Variants in SPPL3 observed in about 807,000 individuals in gnomAD.
SPPL3 encodes signal peptide peptidase like 3.
SPPL3 carries 5 observed loss-of-function variants against 42.4 expected under a neutral mutation model. The observed-to-expected ratio is 0.12, with a 90% confidence interval of 0.06 to 0.25. SPPL3 has a LOEUF of 0.25. SPPL3 is among the 10% of genes least tolerant of loss of function. The pLI, the probability that SPPL3 is intolerant of heterozygous loss-of-function variation, is 1.00. For missense variants in SPPL3, 235 were observed against 489.0 expected (o/e 0.48, Z 4.90); for synonymous variants, 195 against 181.8 (o/e 1.07, Z -0.58).
At chr12:120,896,377 A>T (rs1445665367) in intron 1 of SPPL3, among the ~76,000 whole-genome samples, 1 of 152,180 alleles carries the variant, frequency 6.6e-6, no homozygotes, top group African/African-American at 2.4e-5. Context: ...TGTAAAACTG[A>T]ATTTGATCAT....
intron 1 of SPPL3, among the ~76,000 whole-genome samples, chr12:120,857,894 G>T (rs1872512777): frequency 6.6e-6 from 1 of 152,166 alleles, no homozygotes; most frequent in South Asian, 2.1e-4. Flanking sequence ...TGGGTTGACA[G>T]GTGCAGCAAA....
At chr12:120,880,131 A>G (rs1431691056) in intron 1 of SPPL3, among the ~76,000 whole-genome samples, 1 of 152,048 alleles carries the variant, frequency 6.6e-6, no homozygotes, top group African/African-American at 2.4e-5. Flanking sequence ...CAGGATGAAA[A>G]AAAAACACTG....
intron 1 of SPPL3, among the ~76,000 whole-genome samples, chr12:120,824,091 C>T (rs12809299): frequency 0.41 from 62,375 of 151,598 alleles, 14,398 homozygotes; most frequent in Middle Eastern, 0.56. Context: ...AGGATGGTCT[C>T]GATCTCCTGA....
intron 9 of SPPL3, 121 bp downstream of exon 9, chr12:120,767,273 C>T: frequency 1.9e-6 from 2 of 1,080,426 alleles, no homozygotes; most frequent in South Asian, 1.5e-5. Context: ...CTGTCTATTA[C>T]AGCACCCAGA....
At chr12:120,796,536 T>G (rs1870103815) in intron 2 of SPPL3, among the ~76,000 whole-genome samples, 1 of 152,206 alleles carries the variant, frequency 6.6e-6, no homozygotes, top group Non-Finnish European at 1.5e-5. Flanking sequence ...CATGTTTTCC[T>G]TTTTTGCCTG....
chr12:120,784,328 C>T (rs895994511), intron 4 of SPPL3, 146 bp downstream of exon 4: 11 of 696,988 alleles, frequency 1.6e-5, no homozygotes, highest in African/African-American at 7.4e-5. Flanking sequence ...GGAAGGGTGG[C>T]GTGGTTGAGA....
intron 1 of SPPL3, among the ~76,000 whole-genome samples, chr12:120,813,082 G>A (rs756485368): frequency 9.2e-5 from 14 of 152,042 alleles, no homozygotes; most frequent in East Asian, 1.9e-4. Context: ...GGAAAAGAAC[G>A]GCAGCTGGAG....
At position 120,779,820 on chromosome 12, in the gene SPPL3, C is replaced by CAAAAAAAAAAAAA. The variant is rs1164272443; in HGVS notation, c.502+2822_502+2834dup. On this transcript the variant is annotated intron_variant, in intron 6 of 10. Transcript: ENST00000353487. ...CGAAACCTTGTCTCTACTAAAAATA[C>CAAAAAAAAAAAAA]AAAAAAAAAAAAAAAAAAAAAAAAA... Among the ~76,000 whole-genome samples the CAAAAAAAAAAAAA allele has an allele frequency of 2.9e-3, 124 of 42,770 alleles. 4 individuals are homozygous for CAAAAAAAAAAAAA. Among genetic ancestry groups the CAAAAAAAAAAAAA allele is most frequent in the African/African-American group, 4.6e-3 (53 of 11,448 alleles). 28.1% of individuals were successfully genotyped at this position (42,770 alleles called of 152,430 possible). A position where few individuals can be genotyped will look rare whatever the true frequency, so the allele number is the denominator to read the frequency against.
intron 6 of SPPL3, among the ~76,000 whole-genome samples, chr12:120,780,587 T>TAA (rs34476118): frequency 1.9e-4 from 24 of 124,648 alleles, no homozygotes; most frequent in Non-Finnish European, 2.8e-4. Context: ...TGTCTCTATT[T>TAA]AAAAAAAAAA....
chr12:120,769,310 A>C, intron 6 of SPPL3: 2 of 364,186 alleles, frequency 5.5e-6, no homozygotes, highest in East Asian at 5.1e-5. Flanking sequence ...GACCCAGGAA[A>C]CCAGTCCAAG....
In SPPL3 at chr12:120,904,061, T is replaced by G; in HGVS notation, c.-194A>C. On this transcript the variant is annotated 5_prime_UTR_variant, in exon 1 of 11. Coordinates refer to ENST00000353487, the MANE Select transcript of SPPL3 (RefSeq NM_139015.5). ...CGGGCTCCGAAGCGGCCCCGCTCCCTGGGCCCCGGGGCGGGGCGGGCTCCG... is the reference window on the plus strand; with the variant it reads ...CGGGCTCCGAAGCGGCCCCGCTCCCGGGGCCCCGGGGCGGGGCGGGCTCCG... 3 of 346,360 alleles carry G rather than the reference T, an allele frequency of 8.7e-6. No homozygotes were observed. Among genetic ancestry groups the G allele is most frequent in the East Asian group, 4.7e-5 (1 of 21,154 alleles). 21.5% of individuals were successfully genotyped at this position (346,360 alleles called of 1,614,324 possible). A position where few individuals can be genotyped will look rare whatever the true frequency, so the allele number is the denominator to read the frequency against.
At chr12:120,840,693 T>C (rs765362425) in intron 1 of SPPL3, among the ~76,000 whole-genome samples, 46 of 152,070 alleles carry the variant, frequency 3.0e-4, no homozygotes, top group Non-Finnish European at 5.9e-4. Flanking sequence ...TAGCTGGGTG[T>C]GGTGGTGTGC....
At chr12:120,902,260 G>A (rs987640958) in intron 1 of SPPL3, among the ~76,000 whole-genome samples, 2 of 152,104 alleles carry the variant, frequency 1.3e-5, no homozygotes, top group Admixed American at 6.5e-5. Flanking sequence ...TCTTGAGATT[G>A]CACATACATC....
intron 2 of SPPL3, among the ~76,000 whole-genome samples, chr12:120,804,087 G>C (rs780527926): frequency 4.6e-5 from 7 of 152,092 alleles, no homozygotes; most frequent in Non-Finnish European, 8.8e-5. Flanking sequence ...TCCTAGAGTA[G>C]GTTTGGGTAT....
chr12:120,787,593 A>G (rs1166308477), intron 3 of SPPL3, among the ~76,000 whole-genome samples: 1 of 152,162 alleles, frequency 6.6e-6, no homozygotes, highest in Non-Finnish European at 1.5e-5. Flanking sequence ...TACATATTTA[A>G]TACCACTCAA....
At chr12:120,783,780 A>T (rs755591215) in intron 4 of SPPL3, 28 bp from the exon 5 acceptor site, 2 of 1,596,466 alleles carry the variant, frequency 1.3e-6, no homozygotes, top group Non-Finnish European at 8.6e-7. Context: ...ATAATTTTTT[A>T]AAACAATTAT....
chr12:120,861,223 C>G (rs1872609028), intron 1 of SPPL3, among the ~76,000 whole-genome samples: 1 of 152,076 alleles, frequency 6.6e-6, no homozygotes. Context: ...AGCATGAAAG[C>G]AGCCATAGAT....
chr12:120,861,198 CA>C (rs1234620275), intron 1 of SPPL3, among the ~76,000 whole-genome samples: 1 of 152,064 alleles, frequency 6.6e-6, no homozygotes, highest in Admixed American at 6.6e-5. Flanking sequence ...GTTCTCAAAT[CA>C]ACTCTGCCAT....
chr12:120,779,739 C>T (rs1403891989), intron 6 of SPPL3, among the ~76,000 whole-genome samples: 1 of 143,700 alleles, frequency 7.0e-6, no homozygotes, highest in African/African-American at 2.6e-5. Context: ...CCTTGGGAGG[C>T]TGAGGCGGGT....
Sources: allele counts gnomAD v4.1 joint callset (sites outside exome capture counted in the v4.1 genomes callset), GRCh38; gene constraint gnomAD v4.1.1; transcripts MANE v1.5; gene names NCBI Gene and HGNC (gene_info 2026-07-23, HGNC 2026-07-21).